DOCK1: variants seen among roughly 807,000 people sequenced by gnomAD.
DOCK1 encodes the protein dedicator of cytokinesis 1, also known as dedicator of cytokinesis protein 1.
In DOCK1, 138 loss-of-function variants were observed where a neutral mutation model predicts 262.7. The observed-to-expected ratio is 0.53, with a 90% CI of 0.46 to 0.61. DOCK1 has a LOEUF of 0.61. DOCK1 is among the 20% of genes least tolerant of loss of function. The pLI is 0.00. For missense variants in DOCK1, 1,908 were observed against 2,370.7 expected (o/e 0.80, Z 4.05); for synonymous variants, 866 against 867.4 (o/e 1.00, Z 0.03).
intron 13 of DOCK1, among the ~76,000 whole-genome samples, chr10:127,020,235 A>G (rs1364288428): frequency 6.6e-6 from 1 of 152,196 alleles, no homozygotes; most frequent in Non-Finnish European, 1.5e-5. Flanking sequence ...TTGTATACTT[A>G]TTATTTGTAT....
chr10:127,236,566 T>C (rs879517186), intron 27 of DOCK1, among the ~76,000 whole-genome samples: 12 of 150,624 alleles, frequency 8.0e-5, no homozygotes, highest in Non-Finnish European at 1.2e-4. Context: ...TTTGTTTTAT[T>C]TGTCTGTCTG....
At chr10:127,354,808 G>T in intron 32 of DOCK1, 81 bp downstream of exon 32, 1 of 1,552,714 alleles carries the variant, frequency 6.4e-7, no homozygotes, top group Non-Finnish European at 8.9e-7. Context: ...CATCAGTGTT[G>T]GGATGTCTTA....
chr10:126,951,047 G>C (rs1039861144), intron 1 of DOCK1, among the ~76,000 whole-genome samples: 9 of 151,922 alleles, frequency 5.9e-5, no homozygotes, highest in Non-Finnish European at 1.0e-4. Context: ...AGTAGTATTG[G>C]TGATGGTGGT....
At chr10:127,067,855 T>C (rs1277458003) in intron 23 of DOCK1, among the ~76,000 whole-genome samples, 1 of 151,818 alleles carries the variant, frequency 6.6e-6, no homozygotes, top group Non-Finnish European at 1.5e-5. Context: ...CCCAGGCCCC[T>C]GACGCTCAGG....
intron 27 of DOCK1, among the ~76,000 whole-genome samples, chr10:127,132,264 G>A (rs762380376): frequency 4.6e-5 from 7 of 152,154 alleles, no homozygotes; most frequent in Non-Finnish European, 8.8e-5. Flanking sequence ...ATTGGAATGC[G>A]TCTCGTGCCT....
intron 23 of DOCK1, among the ~76,000 whole-genome samples, chr10:127,090,513 TATAAC>T (rs1287669995): frequency 2.0e-5 from 3 of 152,152 alleles, no homozygotes; most frequent in Middle Eastern, 3.4e-3. Flanking sequence ...GTAAAATACA[TATAAC>T]ATAAAGTTAA....
intron 1 of DOCK1, among the ~76,000 whole-genome samples, chr10:126,906,429 C>T (rs2030852377): frequency 6.6e-6 from 1 of 152,210 alleles, no homozygotes; most frequent in South Asian, 2.1e-4. Context: ...GTGATCTGCG[C>T]GCCTGGTGTC....
chr10:126,999,254 T>C, intron 8 of DOCK1, 100 bp from the exon 9 acceptor site: 1 of 834,926 alleles, frequency 1.2e-6, no homozygotes, highest in South Asian at 1.6e-5. Context: ...GTTGTCTGTA[T>C]AGTGCACGTA....
intron 23 of DOCK1, among the ~76,000 whole-genome samples, chr10:127,084,886 G>GAGAT (rs150933698): frequency 0.027 from 4,037 of 152,264 alleles, 115 homozygotes; most frequent in East Asian, 0.11. Flanking sequence ...TGATGGGAGG[G>GAGAT]AGATGTTTCT....
In DOCK1 at chr10:126,949,628, A is replaced by G. The variant is rs1045330671; in HGVS notation, c.47-21074A>G. On this transcript the variant is annotated intron_variant, in intron 1 of 51. Transcript: ENST00000623213. ...GGGTGTTGAATGTCCTTTCTGTGCTATAACTATAAATTCATGTTAGACAGC... is the reference window on the plus strand; with the variant it reads ...GGGTGTTGAATGTCCTTTCTGTGCTGTAACTATAAATTCATGTTAGACAGC... Among the ~76,000 whole-genome samples the G allele has an allele frequency of 6.2e-3, 938 of 152,252 alleles. 63 individuals are homozygous for G. In the East Asian group the frequency reaches 0.14, roughly 24 times the overall value.
intron 46 of DOCK1, among the ~76,000 whole-genome samples, chr10:127,423,501 G>T (rs2068632942): frequency 6.6e-6 from 1 of 152,152 alleles, no homozygotes; most frequent in Non-Finnish European, 1.5e-5. Context: ...TTTGCGGCTG[G>T]CACCAGGTCA....
At chr10:127,130,349 G>A (rs1444420653) in intron 27 of DOCK1, among the ~76,000 whole-genome samples, 2 of 152,130 alleles carry the variant, frequency 1.3e-5, no homozygotes, top group Non-Finnish European at 2.9e-5. Context: ...GCCTCCCAAA[G>A]TGCTGGGATT....
intron 43 of DOCK1, 77 bp downstream of exon 43, chr10:127,411,001 C>T (rs1003332876): frequency 1.5e-5 from 22 of 1,451,688 alleles, no homozygotes; most frequent in Non-Finnish European, 1.9e-5. Context: ...ACTGGAGAAG[C>T]GTGGCCTCAG....
At chr10:126,987,478 G>A in intron 4 of DOCK1, 43 bp from the exon 5 acceptor site, 1 of 1,512,092 alleles carries the variant, frequency 6.6e-7, no homozygotes, top group Non-Finnish European at 9.0e-7. Context: ...ATAGCAGGCA[G>A]TGAAACCGTG....
Position 127,032,274 on chromosome 10 carries a change from C to T in DOCK1, c.1866C>T (p.Ser622=). Residue 622 remains serine, a synonymous_variant, in exon 18 of 52, where the codon TCC becomes TCT. Transcript: ENST00000623213. ...SLGSCTISKD[S]FQISTLVCST... is the part of the protein sequence containing the mutation. ...GGAGCTGCACCATTAGCAAGGACTC[C>T]TTCCAGATCTCCACGCTCGTGTGCT... 3 of 1,592,348 alleles carry T rather than the reference C, an allele frequency of 1.9e-6. No homozygotes were observed. Among genetic ancestry groups the T allele is most frequent in the Non-Finnish European group, 2.6e-6 (3 of 1,170,770 alleles).
intron 29 of DOCK1, among the ~76,000 whole-genome samples, chr10:127,270,341 C>T (rs529594674): frequency 6.6e-5 from 10 of 152,328 alleles, no homozygotes; most frequent in South Asian, 6.2e-4. Context: ...CAGAGCCCTC[C>T]GATGTTTTTA....
chr10:127,077,015 C>T (rs752060031), intron 23 of DOCK1, among the ~76,000 whole-genome samples: 3 of 152,056 alleles, frequency 2.0e-5, no homozygotes, highest in South Asian at 4.1e-4. Flanking sequence ...ATGCCCTGTG[C>T]GAATGGCAAG....
At chr10:127,389,801 G>A (rs1334957819) in intron 38 of DOCK1, among the ~76,000 whole-genome samples, 2 of 152,110 alleles carry the variant, frequency 1.3e-5, no homozygotes, top group Non-Finnish European at 2.9e-5. Context: ...ATCACCTGAG[G>A]TCAGGAGTTT....
intron 33 of DOCK1, among the ~76,000 whole-genome samples, chr10:127,362,442 T>C (rs1437451829): frequency 6.6e-6 from 1 of 152,222 alleles, no homozygotes; most frequent in African/African-American, 2.4e-5. Context: ...CTTACTTACT[T>C]CTTTTAATCT....
Sources: gnomAD v4.1 joint callset for allele counts (sites outside exome capture counted in the v4.1 genomes callset) on GRCh38, gnomAD v4.1.1 for gene constraint, MANE v1.5 for transcripts, NCBI Gene and HGNC (gene_info 2026-07-23, HGNC 2026-07-21) for gene names.